The following RAPGEF4 variants were observed in gnomAD, a reference collection of about 807,000 sequenced individuals.
RAPGEF4 encodes Rap guanine nucleotide exchange factor 4.
Under a neutral mutation model 147.9 loss-of-function variants are expected in RAPGEF4, and 66 were observed. The observed-to-expected ratio is 0.45, with a 90% CI of 0.37 to 0.55. The LOEUF (loss-of-function observed/expected upper bound fraction) is 0.55, where lower values mean the gene tolerates loss of function less well. Ranked by LOEUF, RAPGEF4 falls within the 20% of genes least tolerant of loss-of-function variation. The pLI is 0.00. For synonymous variants in RAPGEF4, 419 were observed against 442.7 expected, an observed-to-expected ratio of 0.95 and a Z score of 0.67; for missense variants, 1,071 against 1,257.3, an observed-to-expected ratio of 0.85 and a Z score of 2.24.
In RAPGEF4 at chr2:173,030,145, C is replaced by T. The variant is rs371628974; in HGVS notation, c.2559-19C>T. On this transcript the variant is annotated intron_variant, in intron 25 of 30. Coordinates refer to ENST00000397081, the MANE Select transcript of RAPGEF4 (RefSeq NM_007023.4). ...ACAGAAGTAACATTTTACTCAAACA[C>T]GCATCTCCTGTGTTTCAGCTGTAAG... The T allele has an allele frequency of 2.0e-5, 30 of 1,532,396 alleles. No individual in the cohort carries two copies. The highest frequency in any genetic ancestry group is 1.7e-4 in the Middle Eastern group (1 of 5,928). 94.9% of individuals were successfully genotyped at this position (1,532,396 alleles called of 1,614,324 possible).
intron 17 of RAPGEF4, among the ~76,000 whole-genome samples, chr2:173,006,700 G>A (rs1447713903): frequency 6.6e-6 from 1 of 152,146 alleles, no homozygotes; most frequent in African/African-American, 2.4e-5. Context: ...TTTATAAGTG[G>A]AACATTTATC....
intron 6 of RAPGEF4, among the ~76,000 whole-genome samples, chr2:172,955,242 G>A (rs1688607156): frequency 6.6e-6 from 1 of 152,178 alleles, no homozygotes; most frequent in Non-Finnish European, 1.5e-5. Flanking sequence ...GGGAGTTATT[G>A]TGCATCTTGT....
At chr2:172,941,590 G>C (rs1298858667) in intron 6 of RAPGEF4, among the ~76,000 whole-genome samples, 1 of 152,090 alleles carries the variant, frequency 6.6e-6, no homozygotes, top group Non-Finnish European at 1.5e-5. Context: ...TAAGGCTTTT[G>C]AAAAATCAGT....
intron 4 of RAPGEF4, among the ~76,000 whole-genome samples, chr2:172,865,308 C>T (rs1330191179): frequency 6.6e-6 from 1 of 152,200 alleles, no homozygotes; most frequent in East Asian, 1.9e-4. Flanking sequence ...AACAGCCTCA[C>T]CTCTTACCAT....
intron 6 of RAPGEF4, among the ~76,000 whole-genome samples, chr2:172,929,138 AT>A (rs1346085321): frequency 6.6e-6 from 1 of 152,192 alleles, no homozygotes; most frequent in African/African-American, 2.4e-5. Flanking sequence ...ATGTGTTTGA[AT>A]TTTTATTGTT....
chr2:172,797,976 C>T (rs1404841332), intron 3 of RAPGEF4, among the ~76,000 whole-genome samples: 1 of 152,146 alleles, frequency 6.6e-6, no homozygotes, highest in African/African-American at 2.4e-5. Context: ...CCTCTTGGAT[C>T]CTTTCTCCAT....
chr2:173,049,131 C>T (rs975194567), intron 30 of RAPGEF4, among the ~76,000 whole-genome samples: 1 of 152,214 alleles, frequency 6.6e-6, no homozygotes, highest in East Asian at 1.9e-4. Context: ...GTAAAAGGTC[C>T]AAAAACAGGA....
intron 6 of RAPGEF4, among the ~76,000 whole-genome samples, chr2:172,960,141 G>A (rs1187774957): frequency 1.3e-5 from 2 of 152,102 alleles, no homozygotes; most frequent in African/African-American, 4.8e-5. Flanking sequence ...CTAGAGCCTA[G>A]AGCTGATCTG....
At chr2:172,787,636 T>TTTATTTATTTATTTAC (rs1685350102) in intron 1 of RAPGEF4, among the ~76,000 whole-genome samples, 1 of 144,812 alleles carries the variant, frequency 6.9e-6, no homozygotes, top group Non-Finnish European at 1.5e-5. Flanking sequence ...TATTTATTTA[T>TTTATTTATTTATTTAC]TGAGACAGGG....
chr2:172,954,426 A>G (rs1688529423), intron 6 of RAPGEF4, among the ~76,000 whole-genome samples: 1 of 152,210 alleles, frequency 6.6e-6, no homozygotes, highest in African/African-American at 2.4e-5. Flanking sequence ...TTTACAAGAG[A>G]AAAGCTGAAA....
At chr2:173,022,115 G>A (rs1457296313) in intron 23 of RAPGEF4, among the ~76,000 whole-genome samples, 7 of 152,190 alleles carry the variant, frequency 4.6e-5, no homozygotes, top group South Asian at 2.1e-4. Context: ...CCAGTTCAGC[G>A]CAGCCCCATT....
chr2:172,917,953 T>C (rs1056869927), intron 5 of RAPGEF4, 79 bp downstream of exon 5: 9 of 1,180,824 alleles, frequency 7.6e-6, no homozygotes, highest in Non-Finnish European at 7.6e-6. Flanking sequence ...AAATATGTCC[T>C]ACACCAGCTT....
intron 10 of RAPGEF4, among the ~76,000 whole-genome samples, chr2:172,971,854 T>C (rs1051672507): frequency 5.9e-5 from 9 of 152,166 alleles, no homozygotes; most frequent in African/African-American, 1.9e-4. Flanking sequence ...CCAGTATCAT[T>C]GTTGTCTTGA....
intron 4 of RAPGEF4, among the ~76,000 whole-genome samples, chr2:172,827,138 C>G (rs193185473): frequency 6.6e-6 from 1 of 152,036 alleles, no homozygotes; most frequent in African/African-American, 2.4e-5. Flanking sequence ...GTGATCATTA[C>G]TAAATGAAAA....
At chr2:172,944,812 A>G (rs73977735) in intron 6 of RAPGEF4, among the ~76,000 whole-genome samples, 380 of 152,294 alleles carry the variant, frequency 2.5e-3, no homozygotes, top group African/African-American at 8.3e-3. Flanking sequence ...TTCCTAGTCA[A>G]TAAAAGAACA....
chr2:173,035,943 C>T (rs921046731), intron 27 of RAPGEF4, among the ~76,000 whole-genome samples, 182 bp from the exon 28 acceptor site: 6 of 152,104 alleles, frequency 3.9e-5, no homozygotes, highest in Admixed American at 2.6e-4. Flanking sequence ...GTTGGTCTTA[C>T]AGTGTCAGGG....
intron 1 of RAPGEF4, among the ~76,000 whole-genome samples, chr2:172,771,403 A>G (rs1683572243): frequency 6.6e-6 from 1 of 150,922 alleles, no homozygotes; most frequent in African/African-American, 2.4e-5. Flanking sequence ...ACTTGGACCA[A>G]AGCAGTACTG....
chr2:172,935,526 A>C (rs755410638), intron 6 of RAPGEF4, among the ~76,000 whole-genome samples: 18 of 152,184 alleles, frequency 1.2e-4, no homozygotes, highest in Non-Finnish European at 2.1e-4. Flanking sequence ...CCAAAAAAAA[A>C]CTGCCCCCTT....
At chr2:172,982,981 C>T (rs1422342746) in intron 10 of RAPGEF4, among the ~76,000 whole-genome samples, 1 of 152,126 alleles carries the variant, frequency 6.6e-6, no homozygotes, top group Non-Finnish European at 1.5e-5. Flanking sequence ...CTGCATACAT[C>T]CTATATTTGA....
Sources: gnomAD v4.1 joint callset for allele counts (sites outside exome capture counted in the v4.1 genomes callset) on GRCh38, gnomAD v4.1.1 for gene constraint, MANE v1.5 for transcripts, NCBI Gene and HGNC (gene_info 2026-07-23, HGNC 2026-07-21) for gene names.